The following DPH6 variants were observed in gnomAD, a reference collection of about 807,000 sequenced individuals.
The protein encoded by DPH6 is diphthine--ammonia ligase.
DPH6 carries 33 observed loss-of-function variants against 38.2 expected under a neutral mutation model. That is an observed-to-expected ratio of 0.86 (90% CI 0.65 to 1.15). The LOEUF is 1.15. Among genes scored for constraint, DPH6 ranks in the 50% most tolerant of loss-of-function variants. The pLI is 0.00. For synonymous variants in DPH6, 108 were observed against 103.0 expected (o/e 1.05, Z -0.30); for missense variants, 325 against 320.0 (o/e 1.02, Z -0.12).
In DPH6 at chr15:35,241,522, G is replaced by A. The variant is rs2051598889; in HGVS notation, n.201-20940C>T. On this transcript the variant is annotated intron_variant and non_coding_transcript_variant, in intron 3 of 3. Coordinates refer to the DPH6 transcript ENST00000560386. ...TTTTTTAGTTATCTCCACCTGCCCA[G>A]TTCCCTTATTAGGCCGAGATATTTT... is the stretch of plus-strand genomic sequence containing the variant. Among the ~76,000 whole-genome samples the A allele has an allele frequency of 1.4e-5, 2 of 142,226 alleles. 1 individual carries two copies. The highest frequency in any genetic ancestry group is 5.1e-5 in the African/African-American group (2 of 39,270). The allele number at this position is 142,226 out of a possible 152,430, so 93.3% of individuals were successfully genotyped here.
chr15:35,177,616 A>G, the DPH6 span, among the ~76,000 whole-genome samples: 1 of 147,380 alleles, frequency 6.8e-6, no homozygotes. Context: ...CATCATCATC[A>G]TCATCATCAT....
the DPH6 span, among the ~76,000 whole-genome samples, chr15:35,193,562 A>G: frequency 1.3e-5 from 2 of 152,148 alleles, no homozygotes; most frequent in Non-Finnish European, 1.5e-5. Flanking sequence ...AGTTGCATAG[A>G]AAGAACAGGG....
chr15:35,203,732 T>A, the DPH6 span, among the ~76,000 whole-genome samples: 1 of 151,786 alleles, frequency 6.6e-6, no homozygotes, highest in Non-Finnish European at 1.5e-5. Context: ...GATTTCATAC[T>A]GATATTTTTC....
At chr15:35,246,124 A>G (rs921910871) in intron 3 of DPH6, among the ~76,000 whole-genome samples, 1 of 152,094 alleles carries the variant, frequency 6.6e-6, no homozygotes, top group Non-Finnish European at 1.5e-5. Flanking sequence ...CCCAAATCCT[A>G]TAAAACGGCC....
intron 3 of DPH6, among the ~76,000 whole-genome samples, chr15:35,230,528 G>A (rs2051510011): frequency 6.6e-6 from 1 of 152,160 alleles, no homozygotes; most frequent in South Asian, 2.1e-4. Context: ...AACTGTGGCT[G>A]AGCCGGGATC....
chr15:35,405,166 C>G (rs1254983761), intron 6 of DPH6, among the ~76,000 whole-genome samples: 1 of 151,820 alleles, frequency 6.6e-6, no homozygotes, highest in Non-Finnish European at 1.5e-5. Flanking sequence ...GCAATCCCTC[C>G]AGTTTTGTTC....
chr15:35,427,005 TA>T (rs80243708), intron 5 of DPH6, among the ~76,000 whole-genome samples: 229 of 116,090 alleles, frequency 2.0e-3, no homozygotes, highest in Middle Eastern at 4.0e-3. Flanking sequence ...AGAAAGAATC[TA>T]AAAAAAAAAA....
chr15:35,284,328 G>A (rs578037055), intron 3 of DPH6, among the ~76,000 whole-genome samples: 4 of 152,124 alleles, frequency 2.6e-5, no homozygotes, highest in Non-Finnish European at 2.9e-5. Flanking sequence ...AACTTAACCT[G>A]TGTGTAGAGG....
chr15:35,436,359 G>A (rs906095218), intron 5 of DPH6, among the ~76,000 whole-genome samples: 5 of 151,866 alleles, frequency 3.3e-5, no homozygotes, highest in African/African-American at 9.7e-5. Flanking sequence ...CCAGCTACTC[G>A]GGAGGCTGAG....
chr15:35,447,123 C>T (rs1254496444), intron 5 of DPH6, among the ~76,000 whole-genome samples: 5 of 152,136 alleles, frequency 3.3e-5, no homozygotes, highest in Non-Finnish European at 7.4e-5. Context: ...CCCGCCTCGG[C>T]CTCCCAAAGT....
chr15:35,171,922 C>T, the DPH6 span, among the ~76,000 whole-genome samples: 1 of 151,982 alleles, frequency 6.6e-6, no homozygotes, highest in Non-Finnish European at 1.5e-5. Context: ...GGCTGGAGTG[C>T]AATGGCGCAG....
At position 35,454,728 on chromosome 15, in the gene DPH6, CAAATT is replaced by C. The variant is rs781480007; in HGVS notation, c.386+14_386+18del. Reference sequence around the variant, plus strand: ...AAAACACATACACTTTTAAAACTAACAAATTAATGTTTTCTTACACATTTTCCACT... The same window carrying C: ...AAAACACATACACTTTTAAAACTAACAATGTTTTCTTACACATTTTCCACT... On this transcript the variant is annotated intron_variant, in intron 4 of 8. Coordinates refer to ENST00000256538, the MANE Select transcript of DPH6 (RefSeq NM_080650.4). 2.5e-6 allele frequency: 4 copies of C among 1,586,796 alleles called. No homozygotes were observed. In the African/African-American group the frequency reaches 4.1e-5, roughly 16 times the overall value.
At chr15:35,259,423 T>C (rs2051730826) in intron 3 of DPH6, among the ~76,000 whole-genome samples, 1 of 152,180 alleles carries the variant, frequency 6.6e-6, no homozygotes, top group African/African-American at 2.4e-5. Context: ...CCTAATCATA[T>C]AAAAAAGTAT....
chr15:35,262,403 ATTT>A lies in DPH6; in HGVS notation n.201-41824_201-41822del, dbSNP rs1287069757. Among the ~76,000 whole-genome samples the A allele has an allele frequency of 2.6e-5, 4 of 152,118 alleles. No individual in the cohort carries two copies. In the East Asian group the frequency reaches 7.7e-4, roughly 29 times the overall value. ...GTCTTTAAAAAATGTTTTCTAAGTG[ATTT>A]TTTTTAAAAAGATACCTTGGCTGGG... On this transcript the variant is annotated intron_variant and non_coding_transcript_variant, in intron 3 of 3. Transcript: ENST00000560386.
chr15:35,415,811 A>G (rs1299586325), intron 5 of DPH6, among the ~76,000 whole-genome samples: 3 of 152,080 alleles, frequency 2.0e-5, no homozygotes, highest in Non-Finnish European at 2.9e-5. Context: ...TTAAAACATT[A>G]GAGAAAAATT....
intron 3 of DPH6, among the ~76,000 whole-genome samples, chr15:35,504,592 T>G (rs563387223): frequency 6.6e-6 from 1 of 152,222 alleles, no homozygotes; most frequent in East Asian, 1.9e-4. Context: ...TATTGATAGT[T>G]ATATCCCATA....
chr15:35,542,394 A>C lies in DPH6; in HGVS notation c.118+19T>G. The C allele has an allele frequency of 6.5e-7, 1 of 1,534,060 alleles. No homozygotes were observed. Among genetic ancestry groups the C allele is most frequent in the Non-Finnish European group, 8.9e-7 (1 of 1,120,226 alleles). On this transcript the variant is annotated intron_variant, in intron 2 of 8. Coordinates refer to ENST00000256538, the MANE Select transcript of DPH6 (RefSeq NM_080650.4). ...ATTTCATTCATTTAGGCAACTTCCC[A>C]ATAAAGGCATGTACTTACCTTGGTT...
intron 3 of DPH6, among the ~76,000 whole-genome samples, chr15:35,294,450 T>C (rs140147896): frequency 3.9e-5 from 6 of 152,338 alleles, no homozygotes; most frequent in African/African-American, 1.4e-4. Flanking sequence ...AGTTGGTTCA[T>C]GTCCATGAGG....
intron 3 of DPH6, among the ~76,000 whole-genome samples, chr15:35,239,921 C>G (rs915765850): frequency 7.1e-6 from 1 of 141,496 alleles, no homozygotes; most frequent in Non-Finnish European, 1.5e-5. Context: ...CCTCTTATCT[C>G]TGTGCCCCAA....
Sources: gnomAD v4.1 joint callset for allele counts (sites outside exome capture counted in the v4.1 genomes callset) on GRCh38, gnomAD v4.1.1 for gene constraint, MANE v1.5 for transcripts, NCBI Gene and HGNC (gene_info 2026-07-23, HGNC 2026-07-21) for gene names.